Variants in SIPA1L2 observed in about 807,000 individuals in gnomAD.
The protein encoded by SIPA1L2 is signal-induced proliferation-associated 1-like protein 2.
A neutral mutation model predicts 163.9 loss-of-function variants in SIPA1L2; 56 were observed. The observed-to-expected ratio is 0.34, with a 90% CI of 0.28 to 0.43. The LOEUF (loss-of-function observed/expected upper bound fraction) is 0.43, where lower values mean the gene tolerates loss of function less well. Ranked by LOEUF, SIPA1L2 falls within the 20% of genes least tolerant of loss-of-function variation. SIPA1L2 has a pLI of 1.00. For synonymous variants in SIPA1L2, 877 were observed against 865.7 expected (o/e 1.01, Z -0.23); for missense variants, 1,974 against 2,193.5 (o/e 0.90, Z 2.00).
intron 8 of SIPA1L2, among the ~76,000 whole-genome samples, chr1:232,467,335 C>T (rs779072715): frequency 9.2e-5 from 14 of 152,242 alleles, no homozygotes; most frequent in East Asian, 1.9e-4. Context: ...ACTTGACTTA[C>T]GGGCTTAAAT....
chr1:232,462,177 C>T (rs1664273184), intron 9 of SIPA1L2: 3 of 1,518,124 alleles, frequency 2.0e-6, no homozygotes, highest in South Asian at 1.2e-5. Flanking sequence ...CTAATGCAGC[C>T]CTCAAAAGCA....
At chr1:232,532,414 C>A (rs946406770) in intron 2 of SIPA1L2, among the ~76,000 whole-genome samples, 9 of 152,298 alleles carry the variant, frequency 5.9e-5, no homozygotes, top group Admixed American at 5.2e-4. Flanking sequence ...AGGCCTGAGA[C>A]ACAGCAAGAA....
chr1:232,513,077 G>A (rs549521823), intron 3 of SIPA1L2, among the ~76,000 whole-genome samples: 1 of 152,180 alleles, frequency 6.6e-6, no homozygotes. Flanking sequence ...GTGGTGAGAG[G>A]TGCCGGAGTG....
At chr1:232,516,398 A>G (rs894661594) in intron 2 of SIPA1L2, among the ~76,000 whole-genome samples, 2 of 152,216 alleles carry the variant, frequency 1.3e-5, no homozygotes, top group African/African-American at 2.4e-5. Context: ...GTAGGAAATA[A>G]CTATAATCCA....
At chr1:232,493,772 A>C in intron 3 of SIPA1L2, 112 bp from the exon 4 acceptor site, 1 of 1,328,822 alleles carries the variant, frequency 7.5e-7, no homozygotes. Context: ...CATAGCTCAT[A>C]CACAGTGATT....
chr1:232,441,639 G>T, intron 13 of SIPA1L2, 129 bp downstream of exon 13: 2 of 850,118 alleles, frequency 2.4e-6, no homozygotes, highest in South Asian at 3.3e-5. Context: ...TGGAGACCCA[G>T]CTGATCACCT....
chr1:232,583,788 ACT>A, intron 1 of SIPA1L2, among the ~76,000 whole-genome samples: 1 of 152,230 alleles, frequency 6.6e-6, no homozygotes, highest in East Asian at 1.9e-4. Context: ...CAAACTGATA[ACT>A]CTGCTAATAG....
At chr1:232,581,974 G>A (rs1209050698) in intron 1 of SIPA1L2, among the ~76,000 whole-genome samples, 3 of 152,132 alleles carry the variant, frequency 2.0e-5, no homozygotes, top group African/African-American at 7.2e-5. Flanking sequence ...ACCTTTTGCT[G>A]GAACATTTTT....
intron 10 of SIPA1L2, among the ~76,000 whole-genome samples, chr1:232,446,359 T>C (rs1246141323): frequency 6.6e-6 from 1 of 152,208 alleles, no homozygotes; most frequent in Admixed American, 6.5e-5. Flanking sequence ...CCAGGGACCG[T>C]AGAAATAAGA....
At chr1:232,618,937 A>C (rs1200128465) in intron 1 of SIPA1L2, among the ~76,000 whole-genome samples, 1 of 152,218 alleles carries the variant, frequency 6.6e-6, no homozygotes. Context: ...AGGAAAAAAA[A>C]CATAATGACC....
intron 2 of SIPA1L2, among the ~76,000 whole-genome samples, chr1:232,544,743 T>C (rs573477877): frequency 2.6e-4 from 39 of 152,252 alleles, no homozygotes; most frequent in African/African-American, 9.1e-4. Flanking sequence ...TACTAGCAAA[T>C]AAAAGATACC....
At chr1:232,452,461 C>T (rs976380206) in intron 10 of SIPA1L2, among the ~76,000 whole-genome samples, 4 of 152,152 alleles carry the variant, frequency 2.6e-5, no homozygotes, top group African/African-American at 9.7e-5. Flanking sequence ...GTAGTGTATG[C>T]ATTCCACAAC....
In SIPA1L2 at chr1:232,465,027, T is replaced by C. The variant is rs114129640; in HGVS notation, c.2633A>G (p.Asn878Ser). 75 of 1,614,202 alleles carry C rather than the reference T, an allele frequency of 4.6e-5. No individual in the cohort carries two copies. Among genetic ancestry groups the C allele is most frequent in the Middle Eastern group, 1.6e-4 (1 of 6,062 alleles). Reference protein sequence around the residue: ...ADIECLLGISNEFIMLIEKDS... With the variant: ...ADIECLLGISSEFIMLIEKDS... ...CTTTTCAATCAACATGATGAACTCATTGGAGATCCCGAGAAGACATTCAAT... is the reference window on the plus strand; with the variant it reads ...CTTTTCAATCAACATGATGAACTCACTGGAGATCCCGAGAAGACATTCAAT... The change falls in exon 9 of 23, where the codon AAT (asparagine) becomes AGT (serine). Residue 878 changes from asparagine (N) to serine (S), a missense_variant. Asn to Ser is a conservative substitution (Grantham distance 46). Around this residue, in one of 3 missense-constraint regions of SIPA1L2, gnomAD observed 1,079 missense variants for 1,150.7 expected, o/e 0.94. Coordinates refer to ENST00000674635, the MANE Select transcript of SIPA1L2 (RefSeq NM_020808.5). This position sits in a 1 kb window ranked among gnomAD's most constrained non-coding sequence, Gnocchi z 4.1.
Position 232,403,516 on chromosome 1 carries a change from C to G in SIPA1L2, c.4872G>C (p.Leu1624=), listed in dbSNP as rs1453062939. The G allele has an allele frequency of 6.2e-7, 1 of 1,614,034 alleles. No homozygotes were observed. The highest frequency in any genetic ancestry group is 1.7e-5 in the Admixed American group (1 of 59,990). Residue 1624 remains leucine, a synonymous_variant, in exon 21 of 23, where the codon CTG becomes CTC. Coordinates refer to ENST00000674635, the MANE Select transcript of SIPA1L2 (RefSeq NM_020808.5). Reference sequence around the variant, plus strand: ...ATAAGGGCAGCTCTTGGGCCCCTTCCAGGTCCTGCCCATGCTGCATATCTG... The same window carrying G: ...ATAAGGGCAGCTCTTGGGCCCCTTCGAGGTCCTGCCCATGCTGCATATCTG... ...TLTDMQHGQD[L]EGAQELPLCV...
At chr1:232,604,602 G>A (rs531885686) in intron 1 of SIPA1L2, among the ~76,000 whole-genome samples, 2 of 152,120 alleles carry the variant, frequency 1.3e-5, no homozygotes, top group Non-Finnish European at 2.9e-5. Flanking sequence ...GTTTGGTTTG[G>A]TTTTTTTGAG....
chr1:232,518,191 T>C (rs1667297161), intron 2 of SIPA1L2, among the ~76,000 whole-genome samples: 1 of 152,242 alleles, frequency 6.6e-6, no homozygotes, highest in Non-Finnish European at 1.5e-5. Context: ...TATCTCAGAA[T>C]ATTCCTTCTG....
intron 1 of SIPA1L2, among the ~76,000 whole-genome samples, chr1:232,597,110 G>A (rs930320215): frequency 6.6e-6 from 1 of 152,142 alleles, no homozygotes; most frequent in Non-Finnish European, 1.5e-5. Context: ...AGGGTTCTAT[G>A]AGCATCCCAG....
chr1:232,426,553 G>A (rs548195535), intron 17 of SIPA1L2, among the ~76,000 whole-genome samples: 39 of 152,250 alleles, frequency 2.6e-4, no homozygotes, highest in African/African-American at 9.4e-4. Flanking sequence ...CCAGCCACTA[G>A]GGAGGCTGAG....
At position 232,594,654 on chromosome 1, in the gene SIPA1L2, G is replaced by GT. The variant is rs908541906; in HGVS notation, c.-318-20433dup. Among the ~76,000 whole-genome samples, 21 of 150,102 alleles carry GT rather than the reference G, an allele frequency of 1.4e-4. 1 individual carries two copies. The South Asian group carries it at 2.3e-3, about 17-fold the overall frequency. On this transcript the variant is annotated intron_variant, in intron 1 of 22. Coordinates refer to ENST00000674635, the MANE Select transcript of SIPA1L2 (RefSeq NM_020808.5). Reference sequence around the variant, plus strand: ...GCCTCTTTCTAGCTATTCTTTTTAAGTTTTTTTTTTAAAAATCAATAAGCT... The same window carrying GT: ...GCCTCTTTCTAGCTATTCTTTTTAAGTTTTTTTTTTTAAAAATCAATAAGCT...
Sources: allele counts gnomAD v4.1 joint callset (sites outside exome capture counted in the v4.1 genomes callset), GRCh38; gene constraint gnomAD v4.1.1; regional missense constraint gnomAD v4.1.1; non-coding constraint Gnocchi (gnomAD v3.1); transcripts MANE v1.5; gene names NCBI Gene and HGNC (gene_info 2026-07-23, HGNC 2026-07-21).